Variants in CCAR1 observed in about 807,000 individuals in gnomAD.
CCAR1 encodes cell division cycle and apoptosis regulator protein 1.
Under a neutral mutation model 163.8 loss-of-function variants are expected in CCAR1, and 78 were observed. The observed-to-expected ratio is 0.48, with a 90% CI of 0.40 to 0.57. The LOEUF (loss-of-function observed/expected upper bound fraction) is 0.57, where lower values mean the gene tolerates loss of function less well. Ranked by LOEUF, CCAR1 falls within the 20% of genes least tolerant of loss-of-function variation. The pLI is 0.00. For missense variants in CCAR1, 1,019 were observed against 1,365.2 expected, an observed-to-expected ratio of 0.75 and a Z score of 4.00; for synonymous variants, 443 against 460.7, an observed-to-expected ratio of 0.96 and a Z score of 0.49.
chr10:68,750,164 T>G (rs1470128321), intron 10 of CCAR1, among the ~76,000 whole-genome samples: 1 of 152,076 alleles, frequency 6.6e-6, no homozygotes. Flanking sequence ...TTATTCACCC[T>G]TTGAATCAGA....
chr10:68,772,664 G>A (rs1371431715), intron 18 of CCAR1, among the ~76,000 whole-genome samples: 1 of 151,048 alleles, frequency 6.6e-6, no homozygotes, highest in Non-Finnish European at 1.5e-5. Flanking sequence ...AAGCTGAGGT[G>A]GGTGGATCAC....
chr10:68,788,448 TTTTCA>T, intron 23 of CCAR1, 120 bp downstream of exon 23: 1 of 565,048 alleles, frequency 1.8e-6, no homozygotes, highest in Non-Finnish European at 2.8e-6. Flanking sequence ...ATACCAGATA[TTTTCA>T]TCGAAGTACA....
At chr10:68,724,425 G>A (rs74750017) in intron 2 of CCAR1, among the ~76,000 whole-genome samples, 3 of 151,996 alleles carry the variant, frequency 2.0e-5, no homozygotes, top group African/African-American at 4.8e-5. Context: ...ATATCGCAAC[G>A]CTACACTCCA....
At chr10:68,721,631 C>T (rs1173109454) in intron 1 of CCAR1, 2 of 443,996 alleles carry the variant, frequency 4.5e-6, no homozygotes, top group East Asian at 1.6e-4. Context: ...CGGCTCCCGG[C>T]GGCGTGGGTC....
At chr10:68,776,979 G>T (rs188763107) in intron 19 of CCAR1, among the ~76,000 whole-genome samples, 29 of 152,296 alleles carry the variant, frequency 1.9e-4, no homozygotes, top group African/African-American at 6.7e-4. Context: ...TCACCAGAAA[G>T]AAAACATACA....
chr10:68,778,338 A>T (rs543398042), intron 19 of CCAR1, among the ~76,000 whole-genome samples: 7 of 152,182 alleles, frequency 4.6e-5, no homozygotes, highest in African/African-American at 1.7e-4. Context: ...ATATGCTTCT[A>T]TGTTAGGAGA....
At chr10:68,765,800 A>G in intron 16 of CCAR1, 88 bp from the exon 17 acceptor site, 2 of 845,726 alleles carry the variant, frequency 2.4e-6, no homozygotes, top group Non-Finnish European at 3.6e-6. Context: ...TTTATTTATG[A>G]GATATATATT....
chr10:68,746,618 G>A (rs1019643715), intron 6 of CCAR1, among the ~76,000 whole-genome samples: 9 of 151,920 alleles, frequency 5.9e-5, no homozygotes, highest in South Asian at 4.2e-4. Context: ...ACCGAGTCTC[G>A]TCTGTCACTC....
chr10:68,747,046 T>TG (rs1206486288), intron 6 of CCAR1, 115 bp from the exon 7 acceptor site: 1 of 587,514 alleles, frequency 1.7e-6, no homozygotes, highest in Non-Finnish European at 2.9e-6. Context: ...GTTTACTGTT[T>TG]ATTTTTTTTT....
chr10:68,776,280 TG>T (rs1281583011), intron 19 of CCAR1, among the ~76,000 whole-genome samples: 1 of 151,794 alleles, frequency 6.6e-6, no homozygotes, highest in East Asian at 1.9e-4. Flanking sequence ...GAGATAGGGT[TG>T]GACTGGGCAC....
Position 68,722,498 on chromosome 10 carries a change from T to C in CCAR1, c.-7T>C. On this transcript the variant is annotated 5_prime_UTR_variant, in exon 2 of 25. Transcript: ENST00000265872. ...AAACAAGGGAAGGTTTTTTTTCCTT[T>C]TGCATCATGGCTCAATTTGGAGGAC... is the stretch of plus-strand genomic sequence containing the variant. The C allele has an allele frequency of 1.9e-6, 3 of 1,613,312 alleles. No homozygotes were observed. Among genetic ancestry groups the C allele is most frequent in the Non-Finnish European group, 2.5e-6 (3 of 1,179,218 alleles).
rs41278528 is a variant in CCAR1 at position 68,786,399 on chromosome 10, G to A, written c.2734-147G>A. The A allele has an allele frequency of 0.032, 22,102 of 700,150 alleles. 425 individuals are homozygous for A. Among genetic ancestry groups the A allele is most frequent in the Non-Finnish European group, 0.041 (17,509 of 427,674 alleles). The allele number at this position is 700,150 out of a possible 1,614,324, so 43.4% of individuals were successfully genotyped here. Reference sequence around the variant, plus strand: ...TGTCTGATTCTTTTCTCTCATATTCGTATACCAGATAAACTCATTTTAGCT... The same window carrying A: ...TGTCTGATTCTTTTCTCTCATATTCATATACCAGATAAACTCATTTTAGCT... On this transcript the variant is annotated intron_variant, in intron 20 of 24. Transcript: ENST00000265872.
At position 68,757,604 on chromosome 10, in the gene CCAR1, C is replaced by G. The variant is rs926419031; in HGVS notation, c.1920+227C>G. Among the ~76,000 whole-genome samples, 7 of 150,132 alleles carry G rather than the reference C, an allele frequency of 4.7e-5. No homozygotes were observed. In the East Asian group the frequency reaches 1.4e-3, roughly 30 times the overall value. On this transcript the variant is annotated intron_variant, in intron 15 of 24. Coordinates refer to ENST00000265872, the MANE Select transcript of CCAR1 (RefSeq NM_018237.4). ...CTAATTTTTCTAGTTTTAGTAGAGA[C>G]AAGGTTTCAGAATGTTGGCCAGTTT...
In CCAR1 at chr10:68,726,893, G is replaced by T. The variant is rs895733959; in HGVS notation, c.73+4316G>T. On this transcript the variant is annotated intron_variant, in intron 2 of 24. Transcript: ENST00000265872. ...CATCTGTAATCCCAGCTATTCGGGA[G>T]GCTGAGGCAGGAGAATCACTTGAAC... Among the ~76,000 whole-genome samples, 3 of 151,620 alleles carry T rather than the reference G, an allele frequency of 2.0e-5. No individual in the cohort carries two copies. In the South Asian group the frequency reaches 6.3e-4, roughly 32 times the overall value.
Position 68,791,469 on chromosome 10 carries a change from C to T in CCAR1, c.*203C>T. The T allele has an allele frequency of 8.2e-6, 3 of 366,370 alleles. No individual in the cohort carries two copies. Among genetic ancestry groups the T allele is most frequent in the Non-Finnish European group, 1.5e-5 (3 of 198,130 alleles). 22.7% of individuals were successfully genotyped at this position (366,370 alleles called of 1,614,324 possible). On this transcript the variant is annotated 3_prime_UTR_variant, in exon 25 of 25. Coordinates refer to ENST00000265872, the MANE Select transcript of CCAR1 (RefSeq NM_018237.4). The stretch of plus-strand genomic sequence containing the variant: ...CTAGCCTTCAAATTATTAAACACTC[C>T]TTGAGTGAAATAATTTTGCATTGCA...
In CCAR1 at chr10:68,771,401, T is replaced by G. The variant is rs1242467147; in HGVS notation, c.2494T>G (p.Ser832Ala). Reference protein sequence around the residue: ...TDEPKPKRRKSGDDKDKKEDR... With the variant: ...TDEPKPKRRKAGDDKDKKEDR... Reference sequence around the variant, plus strand: ...TGAACCAAAACCCAAACGGAGAAAATCAGGCGATGATAAAGATAAAAAAGA... The same window carrying G: ...TGAACCAAAACCCAAACGGAGAAAAGCAGGCGATGATAAAGATAAAAAAGA... The change falls in exon 18 of 25, where the codon TCA becomes GCA. Residue 832 changes from serine to alanine, a missense_variant. Ser to Ala is a moderately conservative substitution (Grantham distance 99, BLOSUM62 1). Transcript: ENST00000265872. 4 of 1,589,452 alleles carry G rather than the reference T, an allele frequency of 2.5e-6. No individual in the cohort carries two copies. Among genetic ancestry groups the G allele is most frequent in the Non-Finnish European group, 1.7e-6 (2 of 1,169,070 alleles).
chr10:68,774,039 T>A (rs907185028), intron 19 of CCAR1, among the ~76,000 whole-genome samples: 4 of 152,012 alleles, frequency 2.6e-5, no homozygotes, highest in Non-Finnish European at 5.9e-5. Context: ...ATTACAGGCA[T>A]GCACCACCAC....
intron 2 of CCAR1, among the ~76,000 whole-genome samples, chr10:68,726,100 T>C (rs1415061132): frequency 7.3e-6 from 1 of 136,758 alleles, no homozygotes; most frequent in African/African-American, 2.8e-5. Flanking sequence ...GGTGACAGAG[T>C]GAGACCCTGT....
chr10:68,757,524 C>T (rs570405603), intron 15 of CCAR1, 147 bp downstream of exon 15: 403 of 470,520 alleles, frequency 8.6e-4, no homozygotes, highest in Non-Finnish European at 1.3e-3. Context: ...AGTAGATTCT[C>T]TTGCCTCAGC....
Sources: gnomAD v4.1 joint callset for allele counts (sites outside exome capture counted in the v4.1 genomes callset) on GRCh38, gnomAD v4.1.1 for gene constraint, MANE v1.5 for transcripts, NCBI Gene and HGNC (gene_info 2026-07-23, HGNC 2026-07-21) for gene names.